RAB5IF: variants seen among roughly 807,000 people sequenced by gnomAD.
RAB5IF encodes GEL complex subunit OPTI.
A neutral mutation model predicts 20.3 loss-of-function variants in RAB5IF; 15 were observed. The observed-to-expected ratio is 0.74, with a 90% CI of 0.50 to 1.14. The LOEUF (loss-of-function observed/expected upper bound fraction) is 1.14, where lower values mean the gene tolerates loss of function less well. Among genes scored for constraint, RAB5IF ranks in the 50% most tolerant of loss-of-function variants. RAB5IF has a pLI of 0.00. For missense variants in RAB5IF, 148 were observed against 159.5 expected (o/e 0.93, Z 0.39); for synonymous variants, 67 against 63.7 (o/e 1.05, Z -0.25).
Position 36,612,238 on chromosome 20 carries a change from C to G in RAB5IF, c.*187C>G. 6.2e-7 allele frequency: 1 copy of G among 1,610,868 alleles called. No homozygotes were observed. Reference sequence around the variant, plus strand: ...TTGTGACCTGAAACTTTTTAAAAACCACCCACCTTTGGGGAAGCATTTCTG... The same window carrying G: ...TTGTGACCTGAAACTTTTTAAAAACGACCCACCTTTGGGGAAGCATTTCTG... On this transcript the variant is annotated 3_prime_UTR_variant, in exon 4 of 4. Coordinates refer to ENST00000344795, the MANE Select transcript of RAB5IF (RefSeq NM_018840.5).
At chr20:36,611,340 TA>T (rs1309443326) in intron 3 of RAB5IF, among the ~76,000 whole-genome samples, 1 of 151,666 alleles carries the variant, frequency 6.6e-6, no homozygotes, top group Non-Finnish European at 1.5e-5. Context: ...CTCATGCCTG[TA>T]ATTATAGCAC....
intron 3 of RAB5IF, among the ~76,000 whole-genome samples, chr20:36,610,137 A>C (rs2039072303): frequency 6.6e-6 from 1 of 152,122 alleles, no homozygotes; most frequent in Non-Finnish European, 1.5e-5. Flanking sequence ...ACAAAAAATT[A>C]GTTGGGTGTA....
intron 3 of RAB5IF, among the ~76,000 whole-genome samples, chr20:36,611,591 TG>T (rs2039121595): frequency 6.6e-6 from 1 of 151,816 alleles, no homozygotes; most frequent in Non-Finnish European, 1.5e-5. Context: ...GGCATCTATA[TG>T]TTTTTTTAAA....
Position 36,611,705 on chromosome 20 carries a change from T to C in RAB5IF, c.349-305T>C, listed in dbSNP as rs529591364. Reference sequence around the variant, plus strand: ...TCACATTGGTAGTCGCAGCACCTGCTAGCAGTGTAATATGCTTTACTTGAA... The same window carrying C: ...TCACATTGGTAGTCGCAGCACCTGCCAGCAGTGTAATATGCTTTACTTGAA... On this transcript the variant is annotated intron_variant, in intron 3 of 3. Transcript: ENST00000344795. Among the ~76,000 whole-genome samples the C allele has an allele frequency of 3.5e-4, 54 of 152,256 alleles. 1 individual carries two copies. In the South Asian group the frequency reaches 0.011, roughly 30 times the overall value.
intron 2 of RAB5IF, among the ~76,000 whole-genome samples, chr20:36,608,738 T>C (rs1023621098): frequency 3.9e-5 from 6 of 151,976 alleles, no homozygotes; most frequent in Non-Finnish European, 7.4e-5. Flanking sequence ...TTATTTTTTG[T>C]ATTTTTAGTA....
At chr20:36,609,186 C>G (rs1172422418) in intron 2 of RAB5IF, among the ~76,000 whole-genome samples, 1 of 46,528 alleles carries the variant, frequency 2.1e-5, no homozygotes, top group African/African-American at 1.0e-4. Flanking sequence ...CACACACACA[C>G]ACACACACGC....
intron 2 of RAB5IF, among the ~76,000 whole-genome samples, chr20:36,609,166 C>CATATACATAT (rs1383041286): frequency 8.7e-5 from 1 of 11,432 alleles, no homozygotes; most frequent in Non-Finnish European, 1.9e-4. Flanking sequence ...TACACACACA[C>CATATACATAT]ACACACACAC....
intron 2 of RAB5IF, among the ~76,000 whole-genome samples, chr20:36,609,203 GCACA>G (rs1568595543): frequency 1.4e-4 from 5 of 34,614 alleles, no homozygotes; most frequent in Non-Finnish European, 1.1e-4. Context: ...ACGCACACAC[GCACA>G]CACGCACACA....
At chr20:36,610,684 A>G (rs1430736922) in intron 3 of RAB5IF, among the ~76,000 whole-genome samples, 10 of 151,622 alleles carry the variant, frequency 6.6e-5, no homozygotes, top group Admixed American at 3.3e-4. Flanking sequence ...TGGGCAACAG[A>G]GCGAGACTCC....
chr20:36,606,108 T>C (rs1263725145), intron 1 of RAB5IF, 43 bp downstream of exon 1: 4 of 1,213,600 alleles, frequency 3.3e-6, no homozygotes, highest in Non-Finnish European at 3.4e-6. Context: ...AGGAGTCGGC[T>C]GGGACTCGGG....
At position 36,611,493 on chromosome 20, in the gene RAB5IF, C is replaced by CAAAAAA. The variant is rs60975859; in HGVS notation, c.349-500_349-495dup. 6.3e-3 allele frequency among the ~76,000 whole-genome samples: 291 copies of CAAAAAA among 46,518 alleles called. 1 individual carries two copies. Among genetic ancestry groups the CAAAAAA allele is most frequent in the African/African-American group, 0.017 (242 of 14,430 alleles). The allele number at this position is 46,518 out of a possible 152,430, so 30.5% of individuals were successfully genotyped here. ...GTACCTGTTGAGTCCCAGCAGGACT[C>CAAAAAA]AAAAAAAAAAAAAAAAAAAAAACCA... On this transcript the variant is annotated intron_variant, in intron 3 of 3. Transcript: ENST00000344795.
At chr20:36,608,725 G>A (rs376932272) in intron 2 of RAB5IF, among the ~76,000 whole-genome samples, 8 of 151,618 alleles carry the variant, frequency 5.3e-5, no homozygotes, top group Admixed American at 1.3e-4. Flanking sequence ...CCCCATGCCC[G>A]GCTTATTTTT....
chr20:36,607,259 CT>C (rs1157365481), intron 1 of RAB5IF, among the ~76,000 whole-genome samples: 5,702 of 132,802 alleles, frequency 0.043, 172 homozygotes, highest in African/African-American at 0.12. Flanking sequence ...CTAAATGTAT[CT>C]TTTTTTTTTT....
chr20:36,610,596 G>A (rs1473044448), intron 3 of RAB5IF, among the ~76,000 whole-genome samples: 8 of 151,840 alleles, frequency 5.3e-5, no homozygotes, highest in Non-Finnish European at 1.0e-4. Context: ...TTGGGAGGCT[G>A]AGGCAGGAAA....
Position 36,609,156 on chromosome 20 carries a change from T to TACATACATACACATACACACACACAC in RAB5IF, c.219-442_219-441insTACATACACATACACACACACACACA. Among the ~76,000 whole-genome samples the TACATACATACACATACACACACACAC allele has an allele frequency of 4.7e-4, 8 of 17,064 alleles. 2 individuals carry two copies. The highest frequency in any genetic ancestry group is 1.7e-3 in the African/African-American group (7 of 4,082). 11.2% of individuals were successfully genotyped at this position (17,064 alleles called of 152,430 possible). A position where few individuals can be genotyped will look rare whatever the true frequency, so the allele number is the denominator to read the frequency against. ...TTCAAGGGGCTTTGGAGAACTATAT[T>TACATACATACACATACACACACACAC]ACACACACACACACACACACACACA... is the stretch of plus-strand genomic sequence containing the variant. On this transcript the variant is annotated intron_variant, in intron 2 of 3. Transcript: ENST00000344795.
chr20:36,607,751 A>G lies in RAB5IF; in HGVS notation c.151A>G (p.Ile51Val). ...AGATGTGATCTACTGGTTCCGACAG[A>G]TCATTGCTGTGGTCCTGGGTGTCAT... The part of the protein sequence containing the change: ...FLDVIYWFRQ[I>V]IAVVLGVIWG... Residue 51 changes from isoleucine to valine, a missense_variant, in exon 2 of 4, where the codon ATC (isoleucine) becomes GTC (valine). Transcript: ENST00000344795. The G allele has an allele frequency of 6.2e-7, 1 of 1,614,094 alleles. No individual in the cohort carries two copies. The highest frequency in any genetic ancestry group is 2.2e-5 in the East Asian group (1 of 44,888).
chr20:36,609,315 T>A (rs570652029), intron 2 of RAB5IF, among the ~76,000 whole-genome samples: 1 of 150,574 alleles, frequency 6.6e-6, no homozygotes, highest in South Asian at 2.1e-4. Context: ...TTCGGCTCAC[T>A]GCAACCTCTC....
intron 1 of RAB5IF, 52 bp from the exon 2 acceptor site, chr20:36,607,663 G>C: frequency 6.2e-7 from 1 of 1,606,878 alleles, no homozygotes; most frequent in African/African-American, 1.3e-5. Flanking sequence ...CCCTTTTGCT[G>C]TCTTGTGGCA....
rs1294564003 is a variant in RAB5IF at position 36,609,721 on chromosome 20, C to G, written c.339C>G (p.Ala113=). Reference sequence around the variant, plus strand: ...AGGAAGGGTTTATGACCTCTTTTGCCTTGTTCATGGTATGTGTAGCTGATA... The same window carrying G: ...AGGAAGGGTTTATGACCTCTTTTGCGTTGTTCATGGTATGTGTAGCTGATA... ...LTKEGFMTSF[A]LFMVIWIIFY... is the part of the protein sequence containing the mutation. The change falls in exon 3 of 4, where the codon GCC becomes GCG. Residue 113 remains alanine (A), a synonymous_variant. Coordinates refer to ENST00000344795, the MANE Select transcript of RAB5IF (RefSeq NM_018840.5). 6.2e-7 allele frequency: 1 copy of G among 1,614,164 alleles called. No homozygotes were observed. Among genetic ancestry groups the G allele is most frequent in the South Asian group, 1.1e-5 (1 of 91,088 alleles).
Sources: allele counts gnomAD v4.1 joint callset (sites outside exome capture counted in the v4.1 genomes callset), GRCh38; gene constraint gnomAD v4.1.1; transcripts MANE v1.5; gene names NCBI Gene and HGNC (gene_info 2026-07-23, HGNC 2026-07-21).